Variants in ELMO1 observed in about 807,000 individuals in gnomAD.
ELMO1 encodes engulfment and cell motility protein 1.
A neutral mutation model predicts 98.9 loss-of-function variants in ELMO1; 26 were observed. The ratio of observed to expected loss-of-function variants is 0.26; its 90% CI spans 0.19 to 0.36. ELMO1 has a LOEUF of 0.36. Among genes scored for constraint, ELMO1 ranks in the 10% least tolerant of loss-of-function variants. The probability of loss-of-function intolerance (pLI) is 1.00; values close to 1 mark genes in which losing one functional copy is unlikely to be tolerated. For missense variants in ELMO1, 627 were observed against 935.2 expected (o/e 0.67, Z 4.30); for synonymous variants, 346 against 346.0 (o/e 1.00, Z 0.00).
chr7:37,252,394 A>T (rs1795399795), intron 6 of ELMO1, among the ~76,000 whole-genome samples: 1 of 152,212 alleles, frequency 6.6e-6, no homozygotes, highest in South Asian at 2.1e-4. Flanking sequence ...ATATAGACCA[A>T]TGGAACAGAA....
intron 1 of ELMO1, among the ~76,000 whole-genome samples, chr7:37,442,973 A>T (rs1805469855): frequency 6.6e-6 from 1 of 152,242 alleles, no homozygotes; most frequent in Admixed American, 6.5e-5. Flanking sequence ...CTCTCTAAGT[A>T]TGCTTGTGAC....
chr7:37,183,069 T>C (rs73123164), intron 13 of ELMO1, among the ~76,000 whole-genome samples: 1,568 of 152,190 alleles, frequency 0.01, 12 homozygotes, highest in Middle Eastern at 0.014. Context: ...GGAGTCAAAG[T>C]GATTGGTGTG....
chr7:37,018,631 C>T (rs34744922), intron 15 of ELMO1, among the ~76,000 whole-genome samples: 5,807 of 152,066 alleles, frequency 0.038, 118 homozygotes, highest in Middle Eastern at 0.079. Context: ...TGCACGACAC[C>T]ACGCCTGGCT....
chr7:37,183,327 T>C (rs879589246), intron 13 of ELMO1, among the ~76,000 whole-genome samples: 3 of 152,214 alleles, frequency 2.0e-5, no homozygotes, highest in Non-Finnish European at 2.9e-5. Flanking sequence ...ATTCTGCCAG[T>C]GTATGTGGTA....
chr7:36,871,446 G>A (rs1458159838), intron 19 of ELMO1, among the ~76,000 whole-genome samples: 2 of 152,192 alleles, frequency 1.3e-5, no homozygotes, highest in East Asian at 3.9e-4. Context: ...GGATGGTTTG[G>A]AACCTTAATT....
At chr7:37,131,550 A>C (rs2129298178) in intron 14 of ELMO1, among the ~76,000 whole-genome samples, 1 of 152,338 alleles carries the variant, frequency 6.6e-6, no homozygotes, top group East Asian at 1.9e-4. Context: ...AGTTAGTGGT[A>C]AATTCAATTT....
At chr7:37,220,157 T>C (rs1354514636) in intron 10 of ELMO1, among the ~76,000 whole-genome samples, 1 of 152,234 alleles carries the variant, frequency 6.6e-6, no homozygotes, top group Non-Finnish European at 1.5e-5. Context: ...TTTTCTTCAT[T>C]ATGAATCTGA....
chr7:37,133,247 C>G lies in ELMO1; in HGVS notation c.1087-13G>C. 6.3e-7 allele frequency: 1 copy of G among 1,596,362 alleles called. No homozygotes were observed. Among genetic ancestry groups the G allele is most frequent in the Non-Finnish European group, 8.6e-7 (1 of 1,168,678 alleles). ...GGTTGACATGATTCTGTGAGTAAAA[C>G]AAAATCATGATAAGGTGAATTCTTC... On this transcript the variant is annotated splice_polypyrimidine_tract_variant and intron_variant, in intron 13 of 21. Coordinates refer to ENST00000310758, the MANE Select transcript of ELMO1 (RefSeq NM_014800.11).
At chr7:36,936,456 T>A (rs1786540065) in intron 16 of ELMO1, among the ~76,000 whole-genome samples, 1 of 152,100 alleles carries the variant, frequency 6.6e-6, no homozygotes, top group Non-Finnish European at 1.5e-5. Flanking sequence ...TTCTCTCGAT[T>A]TTTTAGTTTT....
intron 16 of ELMO1, among the ~76,000 whole-genome samples, chr7:36,923,231 CACAGG>C (rs1284164272): frequency 6.6e-6 from 1 of 152,190 alleles, no homozygotes; most frequent in African/African-American, 2.4e-5. Context: ...AGACCAAATT[CACAGG>C]ACAGAACACA....
intron 6 of ELMO1, among the ~76,000 whole-genome samples, chr7:37,256,551 A>AAGG (rs1795658625): frequency 8.7e-6 from 1 of 115,040 alleles, no homozygotes; most frequent in Non-Finnish European, 1.7e-5. Flanking sequence ...AAGAAGGAAG[A>AAGG]AAGGAAGGAA....
At chr7:37,149,451 T>G (rs1788216403) in intron 13 of ELMO1, among the ~76,000 whole-genome samples, 1 of 152,190 alleles carries the variant, frequency 6.6e-6, no homozygotes, top group Admixed American at 6.5e-5. Context: ...GTTGAGAGTC[T>G]AAAATGTTTT....
chr7:37,139,312 C>A (rs1206240541), intron 13 of ELMO1, among the ~76,000 whole-genome samples: 1 of 152,052 alleles, frequency 6.6e-6, no homozygotes, highest in Non-Finnish European at 1.5e-5. Flanking sequence ...GATTGTATAC[C>A]TAGAAAACCC....
At chr7:37,126,164 G>A (rs951910198) in intron 14 of ELMO1, among the ~76,000 whole-genome samples, 19 of 151,872 alleles carry the variant, frequency 1.3e-4, no homozygotes, top group Non-Finnish European at 7.4e-5. Flanking sequence ...GGAGGAGTGG[G>A]GAGGGATAGC....
At chr7:37,290,544 T>C (rs1226505952) in intron 4 of ELMO1, among the ~76,000 whole-genome samples, 2 of 152,220 alleles carry the variant, frequency 1.3e-5, no homozygotes, top group Non-Finnish European at 1.5e-5. Flanking sequence ...ATGGAAGTGC[T>C]TAAAACACGT....
At chr7:37,049,357 C>T (rs1795976899) in intron 15 of ELMO1, among the ~76,000 whole-genome samples, 1 of 152,176 alleles carries the variant, frequency 6.6e-6, no homozygotes, top group African/African-American at 2.4e-5. Flanking sequence ...AAAAGCTATT[C>T]TGCTACAGAA....
chr7:37,161,310 T>C lies in ELMO1; in HGVS notation c.1087-28076A>G, dbSNP rs182043487. On this transcript the variant is annotated intron_variant, in intron 13 of 21. Coordinates refer to ENST00000310758, the MANE Select transcript of ELMO1 (RefSeq NM_014800.11). ...TCTGGCTTTCTCACTGGCTCCAGGG[T>C]TCTGATTCCTGACACCATTCTGAGC... Among the ~76,000 whole-genome samples the C allele has an allele frequency of 6.6e-3, 1,009 of 152,286 alleles. 6 individuals are homozygous for C. Among genetic ancestry groups the C allele is most frequent in the Non-Finnish European group, 0.011 (716 of 68,022 alleles).
chr7:36,989,077 AATT>A (rs1791696641), intron 16 of ELMO1, among the ~76,000 whole-genome samples: 1 of 152,246 alleles, frequency 6.6e-6, no homozygotes, highest in Non-Finnish European at 1.5e-5. Flanking sequence ...TTAATCCAGC[AATT>A]AAGAATTAAT....
intron 13 of ELMO1, among the ~76,000 whole-genome samples, chr7:37,151,533 A>G (rs1373962377): frequency 6.6e-6 from 1 of 152,168 alleles, no homozygotes; most frequent in Non-Finnish European, 1.5e-5. Flanking sequence ...GGGTTGAACC[A>G]CTTAAGTGAC....
Sources: gnomAD v4.1 joint callset for allele counts (sites outside exome capture counted in the v4.1 genomes callset) on GRCh38, gnomAD v4.1.1 for gene constraint, MANE v1.5 for transcripts, NCBI Gene and HGNC (gene_info 2026-07-23, HGNC 2026-07-21) for gene names.